The following TAFA5 variants were observed in gnomAD, a reference collection of about 807,000 sequenced individuals.
TAFA5 encodes the protein chemokine-like protein TAFA-5.
A neutral mutation model predicts 15.3 loss-of-function variants in TAFA5; 6 were observed. The ratio of observed to expected loss-of-function variants is 0.39; its 90% CI spans 0.21 to 0.77. The LOEUF (loss-of-function observed/expected upper bound fraction) is 0.77. Among genes scored for constraint, TAFA5 ranks in the 30% least tolerant of loss-of-function variants. The pLI is 0.41. For missense variants in TAFA5, 161 were observed against 193.1 expected, an observed-to-expected ratio of 0.83 and a Z score of 0.98; for synonymous variants, 103 against 80.7, an observed-to-expected ratio of 1.28 and a Z score of -1.48.
intron 1 of TAFA5, chr22:48,543,807 G>A (rs1922554824): frequency 6.6e-6 from 1 of 152,472 alleles, no homozygotes; most frequent in African/African-American, 2.4e-5. Flanking sequence ...TGCCCCAGCA[G>A]GCAGCTTCCC....
intron 1 of TAFA5, among the ~76,000 whole-genome samples, chr22:48,555,312 C>A (rs563907944): frequency 1.3e-5 from 2 of 152,216 alleles, no homozygotes; most frequent in African/African-American, 4.8e-5. Flanking sequence ...GCATTCTCCT[C>A]CCTCCTCCCT....
chr22:48,536,216 G>A (rs145627577), intron 1 of TAFA5, among the ~76,000 whole-genome samples: 11 of 152,244 alleles, frequency 7.2e-5, no homozygotes, highest in African/African-American at 2.4e-4. Context: ...CCATTAATTA[G>A]CAGGGACTTG....
chr22:48,669,488 G>T (rs554477529), intron 2 of TAFA5, among the ~76,000 whole-genome samples: 1 of 152,256 alleles, frequency 6.6e-6, no homozygotes, highest in African/African-American at 2.4e-5. Flanking sequence ...ATCCCAGGCA[G>T]ATTTGCCAGC....
At chr22:48,541,315 C>G (rs1323417260) in intron 1 of TAFA5, among the ~76,000 whole-genome samples, 1 of 152,166 alleles carries the variant, frequency 6.6e-6, no homozygotes. Context: ...GGAGCCTGTC[C>G]CTGCTGGGGT....
intron 1 of TAFA5, among the ~76,000 whole-genome samples, chr22:48,536,343 G>T (rs1239903214): frequency 2.0e-5 from 3 of 152,232 alleles, no homozygotes; most frequent in Non-Finnish European, 1.5e-5. Context: ...GGAAACAAGT[G>T]GATGTCCTTT....
chr22:48,680,853 C>A (rs564179852), intron 2 of TAFA5, among the ~76,000 whole-genome samples: 3 of 152,322 alleles, frequency 2.0e-5, no homozygotes, highest in Admixed American at 2.0e-4. Context: ...AGTGCTGGGC[C>A]GGGCACACCA....
chr22:48,507,196 C>T (rs879564232), intron 1 of TAFA5, among the ~76,000 whole-genome samples: 5 of 123,312 alleles, frequency 4.1e-5, no homozygotes, highest in African/African-American at 3.7e-5. Context: ...AGGAGACGGC[C>T]GCCAAGGGCC....
intron 1 of TAFA5, among the ~76,000 whole-genome samples, chr22:48,590,499 C>T (rs1924528078): frequency 6.6e-6 from 1 of 152,098 alleles, no homozygotes; most frequent in Non-Finnish European, 1.5e-5. Context: ...GCAACCCTGG[C>T]GGATTCACAG....
chr22:48,514,610 G>T (rs1190844211), intron 1 of TAFA5, among the ~76,000 whole-genome samples: 4 of 152,028 alleles, frequency 2.6e-5, no homozygotes, highest in Non-Finnish European at 4.4e-5. Flanking sequence ...TTATAAGCCG[G>T]GCAGCATGGA....
At chr22:48,640,362 A>G (rs905884209) in intron 1 of TAFA5, among the ~76,000 whole-genome samples, 1 of 152,174 alleles carries the variant, frequency 6.6e-6, no homozygotes, top group Non-Finnish European at 1.5e-5. Flanking sequence ...GATGAGGGAC[A>G]TGAATGGGCC....
intron 1 of TAFA5, among the ~76,000 whole-genome samples, chr22:48,492,118 GA>G (rs1213827280): frequency 2.2e-5 from 3 of 134,178 alleles, no homozygotes; most frequent in Admixed American, 7.5e-5. Flanking sequence ...CAGTCCTAGA[GA>G]AAAAAAATCC....
At chr22:48,661,309 C>A (rs1028609918) in intron 2 of TAFA5, among the ~76,000 whole-genome samples, 3 of 152,172 alleles carry the variant, frequency 2.0e-5, no homozygotes, top group African/African-American at 7.2e-5. Flanking sequence ...CCTGCTGGAA[C>A]CTTGCCCCAG....
intron 3 of TAFA5, among the ~76,000 whole-genome samples, chr22:48,709,189 A>C (rs5771739): frequency 0.73 from 111,754 of 152,102 alleles, 41,310 homozygotes; most frequent in African/African-American, 0.79. Context: ...AGGCCAGGCA[A>C]CGGCGCCACC....
intron 1 of TAFA5, among the ~76,000 whole-genome samples, chr22:48,626,003 A>G (rs1273848438): frequency 1.3e-5 from 2 of 152,210 alleles, no homozygotes; most frequent in African/African-American, 4.8e-5. Flanking sequence ...TAAGGTTTCC[A>G]TGTGTCTCTT....
intron 1 of TAFA5, among the ~76,000 whole-genome samples, chr22:48,538,101 T>A (rs1601563413): frequency 6.6e-6 from 1 of 152,284 alleles, no homozygotes; most frequent in East Asian, 1.9e-4. Context: ...GCCAGGAAGC[T>A]AAGGATGGTT....
At chr22:48,542,595 GTGTA>G (rs1307377565) in intron 1 of TAFA5, among the ~76,000 whole-genome samples, 5 of 115,142 alleles carry the variant, frequency 4.3e-5, no homozygotes, top group Non-Finnish European at 7.0e-5. Context: ...GGTGTGTGGT[GTGTA>G]TGTGTGTGTG....
At chr22:48,716,356 A>G (rs1043680169) in intron 3 of TAFA5, among the ~76,000 whole-genome samples, 1 of 152,368 alleles carries the variant, frequency 6.6e-6, no homozygotes, top group East Asian at 1.9e-4. Flanking sequence ...GAATGAGTTC[A>G]TGCCCTTTGC....
intron 3 of TAFA5, among the ~76,000 whole-genome samples, chr22:48,748,631 G>A (rs1030360513): frequency 8.5e-5 from 13 of 152,188 alleles, no homozygotes; most frequent in African/African-American, 2.4e-4. Flanking sequence ...CCACAGCCCC[G>A]TTGGGTAGAC....
At chr22:48,687,012 A>G (rs1641705343) in intron 2 of TAFA5, among the ~76,000 whole-genome samples, 1 of 148,704 alleles carries the variant, frequency 6.7e-6, no homozygotes, top group South Asian at 2.2e-4. Flanking sequence ...TGGATGGTGG[A>G]CAAGTGGATG....
Sources: allele counts gnomAD v4.1 joint callset (sites outside exome capture counted in the v4.1 genomes callset), GRCh38; gene constraint gnomAD v4.1.1; transcripts MANE v1.5; gene names NCBI Gene and HGNC (gene_info 2026-07-23, HGNC 2026-07-21).